Variants in GCH1 observed in about 807,000 individuals in gnomAD.
The protein encoded by GCH1 is GTP cyclohydrolase 1.
Under a neutral mutation model 25.9 loss-of-function variants are expected in GCH1, and 5 were observed. The ratio of observed to expected loss-of-function variants is 0.19; its 90% CI spans 0.10 to 0.41. The LOEUF (loss-of-function observed/expected upper bound fraction) is 0.41, where lower values mean the gene tolerates loss of function less well. GCH1 is among the 10% of genes least tolerant of loss of function. The probability of loss-of-function intolerance (pLI) is 1.00; values close to 1 mark genes in which losing one functional copy is unlikely to be tolerated. For missense variants in GCH1, 261 were observed against 336.5 expected, an observed-to-expected ratio of 0.78 and a Z score of 1.75; for synonymous variants, 159 against 129.6, an observed-to-expected ratio of 1.23 and a Z score of -1.54.
intron 3 of GCH1, among the ~76,000 whole-genome samples, chr14:54,853,819 G>T (rs933104726): frequency 1.3e-4 from 20 of 151,784 alleles, no homozygotes; most frequent in Non-Finnish European, 5.9e-5. Flanking sequence ...CACTTCACAG[G>T]TTTCTCTACG....
intron 1 of GCH1, chr14:54,885,549 C>A: frequency 2.7e-6 from 1 of 374,676 alleles, no homozygotes; most frequent in East Asian, 7.3e-5. Context: ...AGATCTGCCC[C>A]CAGCAAGGTG....
chr14:54,879,715 T>G (rs1168844844), intron 1 of GCH1, among the ~76,000 whole-genome samples: 1 of 151,962 alleles, frequency 6.6e-6, no homozygotes, highest in Non-Finnish European at 1.5e-5. Flanking sequence ...AAAATAGACA[T>G]GAGGCCGGTC....
intron 1 of GCH1, among the ~76,000 whole-genome samples, chr14:54,870,385 C>T (rs2040053505): frequency 1.3e-5 from 2 of 148,752 alleles, no homozygotes; most frequent in South Asian, 2.1e-4. Flanking sequence ...CCAAGATGGC[C>T]GAATAGGGAC....
intron 3 of GCH1, among the ~76,000 whole-genome samples, chr14:54,856,054 T>C (rs1191369476): frequency 6.6e-6 from 1 of 152,178 alleles, no homozygotes; most frequent in African/African-American, 2.4e-5. Flanking sequence ...CCCTCTGTAA[T>C]CTAATACTCA....
At chr14:54,900,845 TCACACACACACACA>T (rs3221690) in intron 1 of GCH1, among the ~76,000 whole-genome samples, 3,381 of 144,734 alleles carry the variant, frequency 0.023, 54 homozygotes, top group South Asian at 0.051. Flanking sequence ...GTGAAATATC[TCACACACACACACA>T]CACACACACA....
intron 1 of GCH1, among the ~76,000 whole-genome samples, chr14:54,897,778 G>A (rs1188400559): frequency 6.6e-6 from 1 of 152,140 alleles, no homozygotes; most frequent in Non-Finnish European, 1.5e-5. Context: ...TTGTCATGGG[G>A]ATAAGAGAAA....
intron 1 of GCH1, among the ~76,000 whole-genome samples, chr14:54,879,956 G>A (rs1480074931): frequency 1.6e-5 from 2 of 127,282 alleles, no homozygotes; most frequent in Non-Finnish European, 3.1e-5. Flanking sequence ...CAGCACTCCA[G>A]CCTGGGTGAC....
At chr14:54,880,846 TCC>T (rs2040260398) in intron 1 of GCH1, among the ~76,000 whole-genome samples, 1 of 92,226 alleles carries the variant, frequency 1.1e-5, no homozygotes, top group African/African-American at 6.8e-5. Context: ...ATATATATAC[TCC>T]ATATATATAT....
intron 1 of GCH1, among the ~76,000 whole-genome samples, chr14:54,888,812 T>C (rs952745264): frequency 2.0e-5 from 3 of 152,010 alleles, no homozygotes; most frequent in Non-Finnish European, 4.4e-5. Flanking sequence ...CATGAGCCAC[T>C]GCACCCAGCC....
intron 1 of GCH1, among the ~76,000 whole-genome samples, chr14:54,869,695 G>C (rs537390352): frequency 1.3e-5 from 2 of 151,732 alleles, no homozygotes; most frequent in East Asian, 3.9e-4. Flanking sequence ...GGTCAGACTG[G>C]TCTGGAACTC....
At chr14:54,880,441 TA>T (rs2040231332) in intron 1 of GCH1, among the ~76,000 whole-genome samples, 2 of 131,880 alleles carry the variant, frequency 1.5e-5, no homozygotes, top group South Asian at 2.3e-4. Context: ...CATATATATA[TA>T]TACTCCATAT....
Position 54,843,352 on chromosome 14 carries a change from C to T in GCH1, c.*665G>A. 3 of 1,280,604 alleles carry T rather than the reference C, an allele frequency of 2.3e-6. No homozygotes were observed. Among genetic ancestry groups the T allele is most frequent in the Non-Finnish European group, 3.0e-6 (3 of 1,016,192 alleles). The allele number at this position is 1,280,604 out of a possible 1,614,324, so 79.3% of individuals were successfully genotyped here. The stretch of plus-strand genomic sequence containing the variant: ...CTGTATGTTGACACGAGAATACACT[C>T]GTAAACAACACCAGGAACTAATTCC... On this transcript the variant is annotated 3_prime_UTR_variant, in exon 6 of 6. Transcript: ENST00000491895.
rs2040516543 is a variant in GCH1 at position 54,898,367 on chromosome 14, G to C, written c.343+3954C>G. Among the ~76,000 whole-genome samples the C allele has an allele frequency of 2.0e-5, 3 of 152,262 alleles. No homozygotes were observed. In the South Asian group the frequency reaches 6.2e-4, roughly 32 times the overall value. The stretch of plus-strand genomic sequence containing the variant: ...CAGGATTGGAAGTTGCTCTGGGTGA[G>C]TCAGTGAATGCATGGTAAGTGAATG... On this transcript the variant is annotated intron_variant, in intron 1 of 5. Transcript: ENST00000491895.
At chr14:54,870,819 C>G (rs1007832224) in intron 1 of GCH1, among the ~76,000 whole-genome samples, 2 of 152,202 alleles carry the variant, frequency 1.3e-5, no homozygotes, top group African/African-American at 4.8e-5. Context: ...CCGCCATTGC[C>G]GAGGCTTGAG....
At chr14:54,867,710 C>T (rs2040009281) in intron 1 of GCH1, among the ~76,000 whole-genome samples, 1 of 151,490 alleles carries the variant, frequency 6.6e-6, no homozygotes, top group African/African-American at 2.4e-5. Flanking sequence ...GTGCCTGCTT[C>T]ACAGGGTGTC....
In GCH1 at chr14:54,855,505, C is replaced by CAAAAAAAAAAAAAAAA. The variant is rs764999718; in HGVS notation, c.509+4160_509+4175dup. 2.2e-3 allele frequency among the ~76,000 whole-genome samples: 80 copies of CAAAAAAAAAAAAAAAA among 36,416 alleles called. 8 individuals are homozygous for CAAAAAAAAAAAAAAAA. Among genetic ancestry groups the CAAAAAAAAAAAAAAAA allele is most frequent in the African/African-American group, 0.012 (70 of 5,646 alleles). The allele number at this position is 36,416 out of a possible 152,430, so 23.9% of individuals were successfully genotyped here. ...TGGGCGACAGAGAAAGACCCTGTCT[C>CAAAAAAAAAAAAAAAA]AAAAAAAAAAAAAAAAAAAAAAAAG... is the stretch of plus-strand genomic sequence containing the variant. On this transcript the variant is annotated intron_variant, in intron 3 of 5. Coordinates refer to ENST00000491895, the MANE Select transcript of GCH1 (RefSeq NM_000161.3).
chr14:54,893,992 C>T (rs1344891474), intron 1 of GCH1, among the ~76,000 whole-genome samples: 1 of 152,142 alleles, frequency 6.6e-6, no homozygotes, highest in African/African-American at 2.4e-5. Context: ...AGGAACTATA[C>T]CTGGTTTTGC....
At chr14:54,857,715 T>C (rs1366002470) in intron 3 of GCH1, among the ~76,000 whole-genome samples, 1 of 152,210 alleles carries the variant, frequency 6.6e-6, no homozygotes, top group Non-Finnish European at 1.5e-5. Context: ...ACAGTTGACA[T>C]GAAATTGGTT....
At chr14:54,898,731 T>G (rs1399827083) in intron 1 of GCH1, among the ~76,000 whole-genome samples, 1 of 152,234 alleles carries the variant, frequency 6.6e-6, no homozygotes, top group East Asian at 1.9e-4. Flanking sequence ...GTGATTCTCC[T>G]GCCTCAGCCT....
Sources: allele counts gnomAD v4.1 joint callset (sites outside exome capture counted in the v4.1 genomes callset), GRCh38; gene constraint gnomAD v4.1.1; transcripts MANE v1.5; gene names NCBI Gene and HGNC (gene_info 2026-07-23, HGNC 2026-07-21).